The following CNTNAP2 variants were observed in gnomAD, a reference collection of about 807,000 sequenced individuals.
CNTNAP2 encodes the protein contactin-associated protein-like 2.
Under a neutral mutation model 155.2 loss-of-function variants are expected in CNTNAP2, and 98 were observed. The ratio of observed to expected loss-of-function variants is 0.63; its 90% CI spans 0.54 to 0.75. CNTNAP2 has a LOEUF of 0.75. Ranked by LOEUF, CNTNAP2 falls within the 30% of genes least tolerant of loss-of-function variation. The pLI is 0.00. For synonymous variants in CNTNAP2, 651 were observed against 631.2 expected, an observed-to-expected ratio of 1.03 and a Z score of -0.47; for missense variants, 1,727 against 1,688.1, an observed-to-expected ratio of 1.02 and a Z score of -0.40.
At chr7:146,634,574 A>G (rs1427176565) in intron 1 of CNTNAP2, among the ~76,000 whole-genome samples, 1 of 152,198 alleles carries the variant, frequency 6.6e-6, no homozygotes, top group Admixed American at 6.5e-5. Context: ...CTTTCTTTGG[A>G]GATGTGACAT....
chr7:147,397,275 T>C (rs1796834777), intron 10 of CNTNAP2, among the ~76,000 whole-genome samples: 1 of 152,106 alleles, frequency 6.6e-6, no homozygotes, highest in African/African-American at 2.4e-5. Context: ...GTATCAGCTA[T>C]TATTTCTGCC....
chr7:147,271,376 G>A (rs1489211286), intron 8 of CNTNAP2, among the ~76,000 whole-genome samples: 1 of 152,060 alleles, frequency 6.6e-6, no homozygotes, highest in Non-Finnish European at 1.5e-5. Flanking sequence ...TTTATATGGA[G>A]TGTAAAAACT....
At chr7:148,313,329 G>A (rs943034271) in intron 21 of CNTNAP2, among the ~76,000 whole-genome samples, 1 of 151,568 alleles carries the variant, frequency 6.6e-6, no homozygotes, top group Non-Finnish European at 1.5e-5. Context: ...CAGCCACTAA[G>A]CCAAGAAGAT....
intron 12 of CNTNAP2, among the ~76,000 whole-genome samples, chr7:147,637,812 T>C (rs1364961724): frequency 6.6e-6 from 1 of 152,182 alleles, no homozygotes; most frequent in Admixed American, 6.6e-5. Flanking sequence ...GTGGTTTCAC[T>C]TGTGGTTATA....
At chr7:148,332,613 T>C (rs537031940) in intron 21 of CNTNAP2, among the ~76,000 whole-genome samples, 2 of 152,328 alleles carry the variant, frequency 1.3e-5, no homozygotes, top group African/African-American at 4.8e-5. Context: ...GTGTTCTGGA[T>C]ACTAAAACAA....
intron 3 of CNTNAP2, among the ~76,000 whole-genome samples, chr7:147,030,675 T>C (rs1052220293): frequency 2.1e-4 from 32 of 152,154 alleles, no homozygotes; most frequent in Admixed American, 6.5e-5. Context: ...ACTTCTTGGG[T>C]CAATTACTAG....
chr7:146,904,347 T>A (rs1796071646), intron 3 of CNTNAP2, among the ~76,000 whole-genome samples: 2 of 152,188 alleles, frequency 1.3e-5, no homozygotes, highest in South Asian at 4.1e-4. Context: ...ATACCTGTAC[T>A]CGGTCCCTGT....
At chr7:147,255,829 C>CAAGGG (rs1804311778) in intron 8 of CNTNAP2, among the ~76,000 whole-genome samples, 1 of 152,152 alleles carries the variant, frequency 6.6e-6, no homozygotes, top group African/African-American at 2.4e-5. Flanking sequence ...CCTCTGCTTT[C>CAAGGG]TGGGTTCAAG....
intron 1 of CNTNAP2, among the ~76,000 whole-genome samples, chr7:146,741,025 T>C (rs1013975103): frequency 6.6e-6 from 1 of 152,110 alleles, no homozygotes; most frequent in Non-Finnish European, 1.5e-5. Context: ...GTGCAGAGTT[T>C]TCCTGTGAGT....
At chr7:148,031,707 C>G (rs1200327332) in intron 15 of CNTNAP2, among the ~76,000 whole-genome samples, 3 of 152,116 alleles carry the variant, frequency 2.0e-5, no homozygotes, top group African/African-American at 7.2e-5. Flanking sequence ...GGGTAACATA[C>G]GCTGAGATTG....
At chr7:146,376,061 T>C (rs1333602264) in intron 1 of CNTNAP2, among the ~76,000 whole-genome samples, 4 of 152,194 alleles carry the variant, frequency 2.6e-5, no homozygotes, top group African/African-American at 9.6e-5. Context: ...TAGGGTATCT[T>C]GCTACCTCTC....
chr7:148,010,412 T>A (rs1365166582), intron 15 of CNTNAP2, among the ~76,000 whole-genome samples: 1 of 151,948 alleles, frequency 6.6e-6, no homozygotes, highest in Non-Finnish European at 1.5e-5. Context: ...TTTTGTGTCT[T>A]ATGTCATAAA....
rs71175645 is a variant in CNTNAP2, at chr7:146,301,631, TAACAAC to T, written c.97+184679_97+184684del. On this transcript the variant is annotated intron_variant, in intron 1 of 23. Coordinates refer to ENST00000361727, the MANE Select transcript of CNTNAP2 (RefSeq NM_014141.6). Reference sequence around the variant, plus strand: ...ACAGAGTGAGACTCTGTCTCAACAATAACAACAACAACAACAACAACAACAAAAAGA... The same window carrying T: ...ACAGAGTGAGACTCTGTCTCAACAATAACAACAACAACAACAACAAAAAGA... Among the ~76,000 whole-genome samples the T allele has an allele frequency of 1.6e-3, 241 of 151,506 alleles. 2 individuals are homozygous for T. The highest frequency in any genetic ancestry group is 5.6e-3 in the African/African-American group (230 of 41,286).
intron 3 of CNTNAP2, among the ~76,000 whole-genome samples, chr7:146,901,431 A>G (rs1428815431): frequency 2.6e-5 from 4 of 152,236 alleles, no homozygotes; most frequent in African/African-American, 9.6e-5. Flanking sequence ...GAATACATGG[A>G]TGAATACACA....
chr7:148,118,057 G>C (rs914253651), intron 15 of CNTNAP2, 61 bp from the exon 16 acceptor site: 6 of 1,572,394 alleles, frequency 3.8e-6, no homozygotes, highest in Non-Finnish European at 5.2e-6. Context: ...ATGGGTATCT[G>C]TTACATGACT....
chr7:146,803,121 G>A (rs533089214), intron 2 of CNTNAP2, among the ~76,000 whole-genome samples: 1 of 152,242 alleles, frequency 6.6e-6, no homozygotes, highest in Non-Finnish European at 1.5e-5. Flanking sequence ...AATATGTATT[G>A]TTAGACTTGA....
At chr7:146,381,093 C>T (rs1795380523) in intron 1 of CNTNAP2, among the ~76,000 whole-genome samples, 1 of 151,988 alleles carries the variant, frequency 6.6e-6, no homozygotes, top group Non-Finnish European at 1.5e-5. Flanking sequence ...CCACCGCGCC[C>T]GGCCTGCACG....
chr7:147,794,989 T>C (rs1479391332), intron 13 of CNTNAP2, among the ~76,000 whole-genome samples: 1 of 151,966 alleles, frequency 6.6e-6, no homozygotes, highest in African/African-American at 2.4e-5. Context: ...GTTTTCTTGG[T>C]GAGTCTAGTT....
At chr7:148,406,181 G>C (rs1799700688) in intron 22 of CNTNAP2, among the ~76,000 whole-genome samples, 1 of 152,014 alleles carries the variant, frequency 6.6e-6, no homozygotes, top group African/African-American at 2.4e-5. Context: ...GCAGTGAGCT[G>C]AGATCGCGCC....
Sources: allele counts gnomAD v4.1 joint callset (sites outside exome capture counted in the v4.1 genomes callset), GRCh38; gene constraint gnomAD v4.1.1; transcripts MANE v1.5; gene names NCBI Gene and HGNC (gene_info 2026-07-23, HGNC 2026-07-21).